PRH1: variants seen among roughly 807,000 people sequenced by gnomAD.
PRH1 encodes proline rich protein HaeIII subfamily 1.
Under a neutral mutation model 7.9 loss-of-function variants are expected in PRH1, and 7 were observed. The ratio of observed to expected loss-of-function variants is 0.89; its 90% confidence interval spans 0.50 to 1.67. The LOEUF (loss-of-function observed/expected upper bound fraction) is 1.67, where lower values mean the gene tolerates loss of function less well. Ranked by LOEUF, PRH1 falls within the 40% of genes most tolerant of loss-of-function variation. The probability of loss-of-function intolerance (pLI) is 0.00; values close to 1 mark genes in which losing one functional copy is unlikely to be tolerated. For synonymous variants in PRH1, 45 were observed against 80.8 expected, an observed-to-expected ratio of 0.56 and a Z score of 2.38; for missense variants, 109 against 223.6, an observed-to-expected ratio of 0.49 and a Z score of 3.27.
upstream of PRH1, among the ~76,000 whole-genome samples, chr12:10,888,905 A>G (rs1026721624): frequency 1.3e-5 from 2 of 152,216 alleles, no homozygotes; most frequent in Admixed American, 1.3e-4. Context: ...AGAAATCTGA[A>G]CTGAGGTTCA....
At chr12:11,081,297 T>C (rs1164475569) in intron 1 of PRH1, among the ~76,000 whole-genome samples, 1 of 118,682 alleles carries the variant, frequency 8.4e-6, no homozygotes, top group Non-Finnish European at 2.0e-5. Flanking sequence ...ATAATTCATT[T>C]TTTTCAGTCT....
chr12:11,105,088 C>T (rs1257751010), intron 1 of PRH1, among the ~76,000 whole-genome samples: 1 of 151,768 alleles, frequency 6.6e-6, no homozygotes, highest in Non-Finnish European at 1.5e-5. Context: ...ACTGGAGATA[C>T]TTCCTTTAAT....
At chr12:11,130,298 T>C (rs949612582) in intron 1 of PRH1, among the ~76,000 whole-genome samples, 3 of 152,078 alleles carry the variant, frequency 2.0e-5, no homozygotes, top group African/African-American at 7.2e-5. Flanking sequence ...ACCGACAACA[T>C]AGGTGATGTT....
chr12:11,051,678 G>A (rs571861757), upstream of PRH1, among the ~76,000 whole-genome samples: 2 of 152,122 alleles, frequency 1.3e-5, no homozygotes, highest in South Asian at 4.1e-4. Context: ...TACCAACTAG[G>A]TATGCAACCC....
At chr12:10,907,513 ATGTGTG>A (rs10566346) in intron 2 of PRH1, among the ~76,000 whole-genome samples, 2 of 150,412 alleles carry the variant, frequency 1.3e-5, no homozygotes, top group Non-Finnish European at 3.0e-5. Flanking sequence ...CTATAACTGT[ATGTGTG>A]TGTGTGTGTG....
chr12:10,885,163 A>G (rs1271176583), upstream of PRH1, among the ~76,000 whole-genome samples: 1 of 152,222 alleles, frequency 6.6e-6, no homozygotes, highest in Non-Finnish European at 1.5e-5. Flanking sequence ...GGCCACAATT[A>G]TACATTCATC....
chr12:10,906,350 G>T (rs2135818738), intron 2 of PRH1, among the ~76,000 whole-genome samples: 1 of 152,260 alleles, frequency 6.6e-6, no homozygotes, highest in South Asian at 2.1e-4. Context: ...TTTCTTACAG[G>T]AAAATAGTTG....
chr12:10,984,326 A>G (rs1939501159), intron 1 of PRH1, among the ~76,000 whole-genome samples: 1 of 152,174 alleles, frequency 6.6e-6, no homozygotes, highest in African/African-American at 2.4e-5. Context: ...TTTCCCCTAC[A>G]ATTGTATAAT....
exon 2 of PRH1, chr12:11,121,023 A>G (rs1945884184): frequency 6.5e-6 from 1 of 154,030 alleles, no homozygotes; most frequent in Non-Finnish European, 1.5e-5. Flanking sequence ...ATATGAACAG[A>G]TGCAGTCTTA....
chr12:10,892,321 A>G (rs1405964651), intron 2 of PRH1, among the ~76,000 whole-genome samples: 1 of 152,214 alleles, frequency 6.6e-6, no homozygotes, highest in African/African-American at 2.4e-5. Flanking sequence ...TTCTGAATAT[A>G]TCATCTATTT....
At chr12:11,149,973 G>A (rs1947011556) in intron 1 of PRH1, among the ~76,000 whole-genome samples, 1 of 130,388 alleles carries the variant, frequency 7.7e-6, no homozygotes, top group Non-Finnish European at 1.7e-5. Context: ...AAATTTACAA[G>A]AAAAAAACAG....
intron 1 of PRH1, chr12:11,030,891 T>C (rs1377732666): frequency 1.9e-6 from 3 of 1,614,242 alleles, no homozygotes; most frequent in Non-Finnish European, 2.5e-6. Flanking sequence ...ATCTCTTTCA[T>C]GTTTATCACA....
intron 1 of PRH1, among the ~76,000 whole-genome samples, chr12:11,040,658 A>G (rs553045131): frequency 9.9e-5 from 15 of 152,284 alleles, no homozygotes; most frequent in African/African-American, 3.6e-4. Flanking sequence ...ATGTATACCT[A>G]TGTAACAACC....
At chr12:11,031,825 A>T (rs986892119) in intron 1 of PRH1, among the ~76,000 whole-genome samples, 14 of 152,216 alleles carry the variant, frequency 9.2e-5, no homozygotes. Flanking sequence ...ACGTTCTCCA[A>T]GTCCCCACTC....
At chr12:11,047,577 TA>T (rs1942952297), upstream of PRH1, among the ~76,000 whole-genome samples, 1 of 152,122 alleles carries the variant, frequency 6.6e-6, no homozygotes, top group Non-Finnish European at 1.5e-5. Context: ...AACTACACAT[TA>T]AAAAATTATA....
At chr12:11,088,204 G>A (rs1944773073) in intron 1 of PRH1, among the ~76,000 whole-genome samples, 1 of 128,340 alleles carries the variant, frequency 7.8e-6, no homozygotes, top group Non-Finnish European at 1.8e-5. Flanking sequence ...AGCCAGGCGT[G>A]ATGTTGTGCC....
At chr12:11,127,618 T>TCA (rs368466921) in intron 1 of PRH1, among the ~76,000 whole-genome samples, 2 of 134,152 alleles carry the variant, frequency 1.5e-5, no homozygotes, top group African/African-American at 2.6e-5. Flanking sequence ...ACAAACACAT[T>TCA]CACACACACA....
rs374512292 is a variant in PRH1, at chr12:11,036,541, C to G, written c.-126+10479G>C. On this transcript the variant is annotated intron_variant, in intron 1 of 3. Coordinates refer to the PRH1 transcript ENST00000539853. ...TCAAAAAATGTGTTACTCGCTTTAT[C>G]TTTCTTATTAAGGAATTTTATTTAC... is the stretch of plus-strand genomic sequence containing the variant. Among the ~76,000 whole-genome samples, 168 of 152,292 alleles carry G rather than the reference C, an allele frequency of 1.1e-3. No homozygotes were observed. In the South Asian group the frequency reaches 0.011, roughly 10 times the overall value.
At chr12:11,003,655 T>A (rs988680224) in intron 1 of PRH1, among the ~76,000 whole-genome samples, 6 of 151,992 alleles carry the variant, frequency 3.9e-5, no homozygotes, top group Non-Finnish European at 5.9e-5. Context: ...ATAATTTCTT[T>A]GGTAAGGAGT....
Sources: allele counts gnomAD v4.1 joint callset (sites outside exome capture counted in the v4.1 genomes callset), GRCh38; gene constraint gnomAD v4.1.1; transcripts MANE v1.5; gene names NCBI Gene and HGNC (gene_info 2026-07-23, HGNC 2026-07-21).